Variants in KIF18A observed in about 807,000 individuals in gnomAD.
KIF18A encodes the protein kinesin family member 18A.
A neutral mutation model predicts 103.3 loss-of-function variants in KIF18A; 67 were observed. The observed-to-expected ratio is 0.65, with a 90% CI of 0.53 to 0.79. The LOEUF is 0.79. Ranked by LOEUF, KIF18A falls within the 30% of genes least tolerant of loss-of-function variation. KIF18A has a pLI of 0.00. For missense variants in KIF18A, 1,032 were observed against 1,062.5 expected (o/e 0.97, Z 0.40); for synonymous variants, 367 against 355.5 (o/e 1.03, Z -0.36).
intron 10 of KIF18A, 63 bp downstream of exon 10, chr11:28,076,944 A>AAG: frequency 1.2e-6 from 1 of 847,210 alleles, no homozygotes; most frequent in South Asian, 2.1e-5. Flanking sequence ...TGAAAAAAAA[A>AAG]AAAAAAAAAA....
intron 12 of KIF18A, among the ~76,000 whole-genome samples, chr11:28,060,685 C>T (rs1207748769): frequency 6.6e-6 from 1 of 151,470 alleles, no homozygotes; most frequent in Non-Finnish European, 1.5e-5. Context: ...CCCAGCATTT[C>T]CAGAACTCAT....
Position 28,035,439 on chromosome 11 carries a change from G to A in KIF18A, c.2452C>T (p.Pro818Ser). 1 of 1,603,304 alleles carries A rather than the reference G, an allele frequency of 6.2e-7. No homozygotes were observed. The highest frequency in any genetic ancestry group is 8.5e-7 in the Non-Finnish European group (1 of 1,174,002). Residue 818 changes from proline (P) to serine (S), a missense_variant, in exon 15 of 17, where the codon CCA becomes TCA. Pro to Ser is a moderately conservative substitution (Grantham distance 74). Transcript: ENST00000263181. ...GCAGTAGTCATTGCCATGTAGGATGGCACCATGCTTGGTACAGGCATAGAA... is the reference window on the plus strand; with the variant it reads ...GCAGTAGTCATTGCCATGTAGGATGACACCATGCTTGGTACAGGCATAGAA... Reference protein sequence around the residue: ...KHSMPVPSMVPSYMAMTTAAK... With the variant: ...KHSMPVPSMVSSYMAMTTAAK...
At chr11:28,066,822 T>C (rs893202845) in intron 11 of KIF18A, among the ~76,000 whole-genome samples, 23 of 148,314 alleles carry the variant, frequency 1.6e-4, no homozygotes, top group African/African-American at 5.6e-4. Flanking sequence ...TATTATATTA[T>C]ATTATATTAT....
At position 28,056,059 on chromosome 11, in the gene KIF18A, C is replaced by A. The variant is rs551326253; in HGVS notation, c.1948+2867G>T. On this transcript the variant is annotated intron_variant, in intron 13 of 16. Coordinates refer to ENST00000263181, the MANE Select transcript of KIF18A (RefSeq NM_031217.4). ...AATAATCTCTAGATTACTTACAATA[C>A]CTAATACTATATATATATACTATGT... Among the ~76,000 whole-genome samples the A allele has an allele frequency of 2.6e-5, 4 of 151,966 alleles. No homozygotes were observed. The East Asian group carries it at 7.7e-4, about 29-fold the overall frequency.
At chr11:28,090,111 A>G (rs569224019) in intron 5 of KIF18A, among the ~76,000 whole-genome samples, 1 of 152,296 alleles carries the variant, frequency 6.6e-6, no homozygotes, top group Admixed American at 6.5e-5. Flanking sequence ...TATTAAAAGG[A>G]CTAGAAACTA....
At chr11:28,026,040 C>T (rs1002602615) in intron 15 of KIF18A, among the ~76,000 whole-genome samples, 2 of 151,580 alleles carry the variant, frequency 1.3e-5, no homozygotes, top group African/African-American at 4.8e-5. Flanking sequence ...ACAAACAATC[C>T]AAAACTCTGA....
At chr11:28,086,199 A>C (rs905649988) in intron 6 of KIF18A, among the ~76,000 whole-genome samples, 1 of 152,216 alleles carries the variant, frequency 6.6e-6, no homozygotes, top group African/African-American at 2.4e-5. Flanking sequence ...TCATTGAAAA[A>C]AATTAAAACA....
chr11:28,088,169 A>G (rs1353512935), intron 6 of KIF18A, among the ~76,000 whole-genome samples: 1 of 152,110 alleles, frequency 6.6e-6, no homozygotes, highest in Non-Finnish European at 1.5e-5. Flanking sequence ...TTTTAAAAAT[A>G]TGGTTAGTTT....
intron 11 of KIF18A, among the ~76,000 whole-genome samples, chr11:28,064,662 G>T (rs1293781779): frequency 6.6e-6 from 1 of 151,890 alleles, no homozygotes; most frequent in Non-Finnish European, 1.5e-5. Flanking sequence ...ATCTTCTTGA[G>T]TCATTCTTTT....
intron 7 of KIF18A, 107 bp downstream of exon 7, chr11:28,084,525 C>T (rs1318379886): frequency 1.1e-6 from 1 of 882,258 alleles, no homozygotes; most frequent in South Asian, 1.9e-5. Flanking sequence ...CCCTCAGCTG[C>T]CTAACTCATT....
intron 13 of KIF18A, among the ~76,000 whole-genome samples, chr11:28,053,141 C>T (rs1850732902): frequency 6.6e-6 from 1 of 152,102 alleles, no homozygotes. Context: ...TTGTTTGTAT[C>T]TTAATTCAAA....
chr11:28,090,603 T>G lies in KIF18A; in HGVS notation c.699+14A>C, dbSNP rs1481548064. On this transcript the variant is annotated intron_variant, in intron 5 of 16. Transcript: ENST00000263181. ...AAATCCAATTTTAAGAGTGATAGTC[T>G]AGTGGCCTCTTACTTGGAAAACAGC... 1.6e-6 allele frequency: 2 copies of G among 1,289,850 alleles called. No homozygotes were observed. Among genetic ancestry groups the G allele is most frequent in the Admixed American group, 3.4e-5 (2 of 58,346 alleles). The allele number at this position is 1,289,850 out of a possible 1,614,324, so 79.9% of individuals were successfully genotyped here.
intron 13 of KIF18A, 101 bp from the exon 14 acceptor site, chr11:28,036,765 T>G (rs187894327): frequency 2.7e-4 from 169 of 633,668 alleles, no homozygotes; most frequent in Admixed American, 1.2e-3. Flanking sequence ...TAAGGTATTT[T>G]TATGCCAATT....
At chr11:28,036,194 T>C (rs1329904959) in intron 14 of KIF18A, 23 bp downstream of exon 14, 1 of 1,462,190 alleles carries the variant, frequency 6.8e-7, no homozygotes, top group Non-Finnish European at 9.2e-7. Context: ...AAAAAAGAAT[T>C]GGCAAATATT....
intron 13 of KIF18A, among the ~76,000 whole-genome samples, chr11:28,046,260 G>A (rs1403851746): frequency 2.0e-5 from 3 of 149,986 alleles, no homozygotes; most frequent in Non-Finnish European, 3.0e-5. Context: ...TGTTTATTGC[G>A]GCACTATTCA....
chr11:28,021,564 T>C (rs1227151623), intron 16 of KIF18A, among the ~76,000 whole-genome samples: 1 of 152,234 alleles, frequency 6.6e-6, no homozygotes, highest in Non-Finnish European at 1.5e-5. Flanking sequence ...TTCATTTTCT[T>C]TCTTTCTGAC....
At chr11:28,052,994 T>C (rs1261615808) in intron 13 of KIF18A, among the ~76,000 whole-genome samples, 2 of 152,206 alleles carry the variant, frequency 1.3e-5, no homozygotes, top group East Asian at 1.9e-4. Flanking sequence ...TTTATGACTA[T>C]TGGCAAAGTA....
In KIF18A at chr11:28,097,657, A is replaced by C. The variant is rs1158180522; in HGVS notation, c.291T>G (p.Ile97Met). 1 of 1,610,092 alleles carries C rather than the reference A, an allele frequency of 6.2e-7. No homozygotes were observed. Among genetic ancestry groups the C allele is most frequent in the Non-Finnish European group, 8.5e-7 (1 of 1,176,824 alleles). ...TATATCCATTCAAAAAACTACGAAG[A>C]ATTGGCTTAGTAGTGTGTTCAAAAA... is the stretch of plus-strand genomic sequence containing the variant. ...SEVFEHTTKP[I>M]LRSFLNGYNC... Residue 97 changes from isoleucine to methionine, a missense_variant, in exon 2 of 17, where the codon ATT (isoleucine) becomes ATG (methionine). Ile to Met is a conservative substitution (Grantham distance 10). Coordinates refer to ENST00000263181, the MANE Select transcript of KIF18A (RefSeq NM_031217.4).
At chr11:28,026,262 T>C (rs943468626) in intron 15 of KIF18A, among the ~76,000 whole-genome samples, 9 of 151,782 alleles carry the variant, frequency 5.9e-5, no homozygotes, top group African/African-American at 2.2e-4. Flanking sequence ...TTATGCAAAA[T>C]AAATGAAATA....
Sources: allele counts gnomAD v4.1 joint callset (sites outside exome capture counted in the v4.1 genomes callset), GRCh38; gene constraint gnomAD v4.1.1; transcripts MANE v1.5; gene names NCBI Gene and HGNC (gene_info 2026-07-23, HGNC 2026-07-21).